Variants in WASF1 observed in about 807,000 individuals in gnomAD.
WASF1 encodes actin-binding protein WASF1.
WASF1 carries 7 observed loss-of-function variants against 50.5 expected under a neutral mutation model. The ratio of observed to expected loss-of-function variants is 0.14; its 90% CI spans 0.08 to 0.26. WASF1 has a LOEUF of 0.26. WASF1 is among the 10% of genes least tolerant of loss of function. WASF1 has a pLI of 1.00. For missense variants in WASF1, 470 were observed against 694.7 expected (o/e 0.68, Z 3.64); for synonymous variants, 205 against 244.0 (o/e 0.84, Z 1.49).
intron 8 of WASF1, among the ~76,000 whole-genome samples, chr6:110,104,732 T>C (rs1410643382): frequency 6.6e-6 from 1 of 152,166 alleles, no homozygotes; most frequent in Non-Finnish European, 1.5e-5. Flanking sequence ...GAGGTTGCAG[T>C]GAGCTGAGAG....
At chr6:110,132,282 G>C (rs1442252425) in intron 3 of WASF1, among the ~76,000 whole-genome samples, 2 of 151,708 alleles carry the variant, frequency 1.3e-5, no homozygotes, top group African/African-American at 4.8e-5. Context: ...AATCATATGT[G>C]AATAGTGACG....
intron 3 of WASF1, among the ~76,000 whole-genome samples, chr6:110,152,964 A>G (rs1250874861): frequency 6.6e-6 from 1 of 152,098 alleles, no homozygotes; most frequent in South Asian, 2.1e-4. Flanking sequence ...TGCTTGTTGA[A>G]TTCTATATAA....
At chr6:110,163,189 G>A (rs1163156637) in intron 2 of WASF1, among the ~76,000 whole-genome samples, 2 of 151,598 alleles carry the variant, frequency 1.3e-5, no homozygotes, top group African/African-American at 2.4e-5. Flanking sequence ...AAATCTATAT[G>A]AGAAAAACTA....
intron 3 of WASF1, among the ~76,000 whole-genome samples, chr6:110,138,257 A>G (rs562565089): frequency 2.0e-5 from 3 of 152,344 alleles, no homozygotes; most frequent in Admixed American, 1.3e-4. Context: ...ACCAGGGAAC[A>G]CTGTGGTGCC....
At chr6:110,147,572 AAAG>A (rs911990788) in intron 3 of WASF1, among the ~76,000 whole-genome samples, 1 of 152,186 alleles carries the variant, frequency 6.6e-6, no homozygotes, top group African/African-American at 2.4e-5. Context: ...TATAGAGTGG[AAAG>A]AAGACTGTAT....
At chr6:110,106,426 T>A (rs534950395) in intron 7 of WASF1, among the ~76,000 whole-genome samples, 6 of 152,236 alleles carry the variant, frequency 3.9e-5, no homozygotes, top group Non-Finnish European at 8.8e-5. Context: ...CAGAGATAGC[T>A]ACAGGAGAAC....
chr6:110,127,458 T>C lies in WASF1; in HGVS notation c.133+11A>G, dbSNP rs1011440156. The C allele has an allele frequency of 1.9e-6, 3 of 1,579,122 alleles. No homozygotes were observed. Among genetic ancestry groups the C allele is most frequent in the East Asian group, 4.5e-5 (2 of 44,152 alleles). On this transcript the variant is annotated intron_variant, in intron 4 of 10. Coordinates refer to ENST00000392589, the MANE Select transcript of WASF1 (RefSeq NM_003931.3). ...GGTTTGTGAGTATATTTTTAATTGA[T>C]ATATACTTACTTAGGCTACTTAGTT...
At chr6:110,140,135 C>A (rs1350030981) in intron 3 of WASF1, among the ~76,000 whole-genome samples, 1 of 152,162 alleles carries the variant, frequency 6.6e-6, no homozygotes, top group Admixed American at 6.5e-5. Context: ...GGAGCTGAGA[C>A]AGGCTGAATG....
chr6:110,135,876 C>CTT (rs778710982), intron 3 of WASF1, among the ~76,000 whole-genome samples: 1,204 of 68,328 alleles, frequency 0.018, 9 homozygotes, highest in Non-Finnish European at 0.022. Flanking sequence ...AGTCCATTAT[C>CTT]TTTTTTTTTT....
At chr6:110,106,581 A>C (rs565906866) in intron 7 of WASF1, among the ~76,000 whole-genome samples, 33 of 152,376 alleles carry the variant, frequency 2.2e-4, no homozygotes, top group African/African-American at 7.9e-4. Flanking sequence ...GAAAATGACA[A>C]TAACAGAAAT....
chr6:110,145,983 G>A (rs1015771500), intron 3 of WASF1, among the ~76,000 whole-genome samples: 2 of 135,240 alleles, frequency 1.5e-5, no homozygotes, highest in Non-Finnish European at 3.1e-5. Context: ...GGACTGTTGT[G>A]GGGTGGGGGG....
In WASF1 at chr6:110,136,403, G is replaced by A. The variant is rs576587368; in HGVS notation, c.-28-8774C>T. Among the ~76,000 whole-genome samples the A allele has an allele frequency of 1.3e-3, 197 of 152,226 alleles. 1 individual carries two copies. The highest frequency in any genetic ancestry group is 4.6e-3 in the African/African-American group (192 of 41,532). ...GTTATTGGTGGTTGCAGTGGTCTACGTATGTCCATTAGTTACATCTGCTAA... is the reference window on the plus strand; with the variant it reads ...GTTATTGGTGGTTGCAGTGGTCTACATATGTCCATTAGTTACATCTGCTAA... On this transcript the variant is annotated intron_variant, in intron 3 of 10. Transcript: ENST00000392589.
chr6:110,144,943 C>T (rs886928098), intron 3 of WASF1, among the ~76,000 whole-genome samples: 37 of 152,190 alleles, frequency 2.4e-4, no homozygotes, highest in Middle Eastern at 3.4e-3. Flanking sequence ...GCGATGCGGG[C>T]TCTTTTTTGG....
intron 3 of WASF1, among the ~76,000 whole-genome samples, chr6:110,141,523 G>A (rs773404377): frequency 2.6e-5 from 4 of 151,942 alleles, no homozygotes; most frequent in Admixed American, 2.6e-4. Flanking sequence ...TGCATCTACC[G>A]AATTACTACC....
intron 4 of WASF1, among the ~76,000 whole-genome samples, chr6:110,121,283 C>T (rs1392919037): frequency 2.0e-5 from 3 of 152,130 alleles, no homozygotes; most frequent in African/African-American, 7.2e-5. Context: ...TTGCAATCTA[C>T]CCATCTGACA....
At chr6:110,147,263 G>A (rs1440478533) in intron 3 of WASF1, among the ~76,000 whole-genome samples, 4 of 150,926 alleles carry the variant, frequency 2.7e-5, no homozygotes, top group African/African-American at 7.3e-5. Context: ...GGAGAATGGC[G>A]TGAACCCGGG....
At chr6:110,147,095 C>G (rs1418960492) in intron 3 of WASF1, among the ~76,000 whole-genome samples, 1 of 152,014 alleles carries the variant, frequency 6.6e-6, no homozygotes, top group African/African-American at 2.4e-5. Context: ...CACCTGTAAT[C>G]CCAGCACTTT....
chr6:110,118,347 C>CAAAAAAAAAAAAAAAAAA (rs56948481), intron 4 of WASF1, among the ~76,000 whole-genome samples: 2 of 7,498 alleles, frequency 2.7e-4, no homozygotes, highest in African/African-American at 4.3e-4. Context: ...AAACGGAAAG[C>CAAAAAAAAAAAAAAAAAA]AAAAAAAAAA....
chr6:110,124,210 TCTCTCTC>T lies in WASF1; in HGVS notation c.133+3252_133+3258del, dbSNP rs1241653375. ...ATCAGCGTCTCTCTCTCTCTCTCTC[TCTCTCTC>T]CTCTCTCTCCTCTCTCTCCTCTCTC... On this transcript the variant is annotated intron_variant, in intron 4 of 10. Coordinates refer to ENST00000392589, the MANE Select transcript of WASF1 (RefSeq NM_003931.3). 4.7e-4 allele frequency among the ~76,000 whole-genome samples: 37 copies of T among 78,406 alleles called. 1 individual carries two copies. Among genetic ancestry groups the T allele is most frequent in the East Asian group, 2.1e-3 (5 of 2,356 alleles). 51.4% of individuals were successfully genotyped at this position (78,406 alleles called of 152,430 possible). A position where few individuals can be genotyped will look rare whatever the true frequency, so the allele number is the denominator to read the frequency against.
Sources: gnomAD v4.1 joint callset for allele counts (sites outside exome capture counted in the v4.1 genomes callset) on GRCh38, gnomAD v4.1.1 for gene constraint, MANE v1.5 for transcripts, NCBI Gene and HGNC (gene_info 2026-07-23, HGNC 2026-07-21) for gene names.